MACF1: variants seen among roughly 807,000 people sequenced by gnomAD.
The protein encoded by MACF1 is microtubule-actin cross-linking factor 1.
Under a neutral mutation model 854.8 loss-of-function variants are expected in MACF1, and 193 were observed. The ratio of observed to expected loss-of-function variants is 0.23; its 90% CI spans 0.20 to 0.25. MACF1 has a LOEUF of 0.25. MACF1 is among the 10% of genes least tolerant of loss of function. MACF1 has a pLI of 1.00. For synonymous variants in MACF1, 3,185 were observed against 3,226.7 expected, an observed-to-expected ratio of 0.99 and a Z score of 0.44; for missense variants, 7,722 against 8,929.1, an observed-to-expected ratio of 0.86 and a Z score of 5.45.
At chr1:39,447,290 A>C in intron 80 of MACF1, 142 bp from the exon 81 acceptor site, 1 of 727,526 alleles carries the variant, frequency 1.4e-6, no homozygotes. Flanking sequence ...CAAATAAAGC[A>C]TGTTTGGACG....
intron 58 of MACF1, among the ~76,000 whole-genome samples, chr1:39,420,494 A>G (rs1643492617): frequency 6.6e-6 from 1 of 152,230 alleles, no homozygotes; most frequent in African/African-American, 2.4e-5. Context: ...CTGCTTTGTA[A>G]TGTTGCCTAA....
chr1:39,393,846 G>GGAGAGAGAGA (rs10652572), intron 58 of MACF1, among the ~76,000 whole-genome samples: 15 of 140,820 alleles, frequency 1.1e-4, no homozygotes, highest in African/African-American at 4.0e-4. Flanking sequence ...AGGGAGGGAG[G>GGAGAGAGAGA]GAGAGAGAGA....
intron 58 of MACF1, among the ~76,000 whole-genome samples, chr1:39,401,685 T>C (rs1240651205): frequency 6.6e-6 from 1 of 152,246 alleles, no homozygotes; most frequent in Admixed American, 6.5e-5. Context: ...GCCTTAGATT[T>C]TCTCCATCTT....
Position 39,335,329 on chromosome 1 carries a change from T to C in MACF1, c.8741T>C (p.Val2914Ala), listed in dbSNP as rs762762215. ...ACAAATGAAGAGCAGGAAAAAGCAG[T>C]GACAAAAATAGAAATTATTTCTCAT... is the stretch of plus-strand genomic sequence containing the variant. ...NDTNEEQEKA[V>A]TKIEIISHMK... Residue 2914 changes from valine to alanine, a missense_variant, in exon 37 of 101, where the codon GTG becomes GCG. Val to Ala is a moderately conservative substitution (Grantham distance 64). This residue lies in a region of MACF1 where 854 missense variants were observed against 852.6 expected (regional missense o/e 1.00). Transcript: ENST00000564288. The C allele has an allele frequency of 6.2e-7, 1 of 1,613,866 alleles. No homozygotes were observed. The highest frequency in any genetic ancestry group is 8.5e-7 in the Non-Finnish European group (1 of 1,179,916).
rs752263534 is a variant in MACF1, at chr1:39,319,729, G to T, written c.4011G>T (p.Gln1337His). The change falls in exon 31 of 101, where the codon CAG (glutamine) becomes CAT (histidine). Residue 1337 changes from glutamine to histidine, a missense_variant. By Grantham distance (24) the Gln-to-His change is conservative (BLOSUM62 0). This residue lies in a region of MACF1 where 1,137 missense variants were observed against 1,263.0 expected (regional missense o/e 0.90). Coordinates refer to ENST00000564288, the MANE Select transcript of MACF1 (RefSeq NM_001394062.1). The part of the protein sequence containing the change: ...KLDQCQKFSQ[Q>H]YSTIVKDYEL... ...ATCAATGTCAAAAATTTTCCCAGCA[G>T]TACTCTACTATTGTAAAGGTAACTT... 4 of 1,613,048 alleles carry T rather than the reference G, an allele frequency of 2.5e-6. No individual in the cohort carries two copies. Among genetic ancestry groups the T allele is most frequent in the Non-Finnish European group, 1.7e-6 (2 of 1,179,326 alleles).
chr1:39,203,685 G>T (rs958037075), upstream of MACF1, among the ~76,000 whole-genome samples: 1 of 152,022 alleles, frequency 6.6e-6, no homozygotes, highest in African/African-American at 2.4e-5. Context: ...TATATAAATG[G>T]AATCATATGG....
chr1:39,109,987 C>T (rs879824203), intron 2 of MACF1, among the ~76,000 whole-genome samples: 14 of 151,224 alleles, frequency 9.3e-5, no homozygotes, highest in South Asian at 4.2e-4. Flanking sequence ...AGAAGTTTTA[C>T]GATATATAAA....
intron 58 of MACF1, among the ~76,000 whole-genome samples, chr1:39,394,278 T>G (rs75872009): frequency 0.039 from 4,804 of 123,504 alleles, 105 homozygotes; most frequent in African/African-American, 0.098. Context: ...TTGATTGATT[T>G]ATTGCCACAT....
intron 1 of MACF1, among the ~76,000 whole-genome samples, chr1:39,225,575 T>A (rs1441903643): frequency 1.3e-5 from 2 of 152,146 alleles, no homozygotes; most frequent in Non-Finnish European, 2.9e-5. Context: ...ATTAATAAGG[T>A]TTAAAGTGTT....
chr1:39,253,940 G>C (rs1183320768), intron 4 of MACF1, among the ~76,000 whole-genome samples: 4 of 152,184 alleles, frequency 2.6e-5, no homozygotes, highest in African/African-American at 7.2e-5. Context: ...TGTGATTTTA[G>C]GAGTCATAGA....
chr1:39,293,686 T>A (rs1425966202), intron 18 of MACF1, 67 bp downstream of exon 18: 2 of 1,505,756 alleles, frequency 1.3e-6, no homozygotes, highest in Non-Finnish European at 1.8e-6. Flanking sequence ...CAGGGCCTAG[T>A]CTGCTGAAAG....
intron 19 of MACF1, among the ~76,000 whole-genome samples, chr1:39,295,363 A>G (rs989846301): frequency 2.0e-5 from 3 of 152,232 alleles, no homozygotes; most frequent in Non-Finnish European, 4.4e-5. Flanking sequence ...AAGAGAAACA[A>G]TAGAAGGGGC....
chr1:39,411,250 A>T, intron 58 of MACF1: 1 of 1,613,960 alleles, frequency 6.2e-7, no homozygotes, highest in Non-Finnish European at 8.5e-7. Context: ...GCGATGGATT[A>T]TGATGGAGGC....
intron 70 of MACF1, 47 bp from the exon 71 acceptor site, chr1:39,437,730 A>C: frequency 7.5e-7 from 1 of 1,337,878 alleles, no homozygotes; most frequent in Non-Finnish European, 1.1e-6. Context: ...TTCTCCAAGA[A>C]GAGTGATGAG....
chr1:39,097,222 A>T (rs1641960493), intron 2 of MACF1, among the ~76,000 whole-genome samples: 1 of 152,052 alleles, frequency 6.6e-6, no homozygotes, highest in Non-Finnish European at 1.5e-5. Flanking sequence ...CTCCAGGGGC[A>T]GTGTGTCCCT....
intron 33 of MACF1, 54 bp downstream of exon 33, chr1:39,323,062 C>A: frequency 6.5e-7 from 1 of 1,535,284 alleles, no homozygotes; most frequent in South Asian, 1.1e-5. Flanking sequence ...ACATCTTAGC[C>A]AGCACGGTGG....
intron 95 of MACF1, 51 bp from the exon 96 acceptor site, chr1:39,468,562 CAT>C: frequency 7.0e-7 from 1 of 1,426,654 alleles, no homozygotes; most frequent in Non-Finnish European, 9.9e-7. Flanking sequence ...GGGAGAAAAA[CAT>C]AGATCTGCTT....
intron 63 of MACF1, among the ~76,000 whole-genome samples, chr1:39,428,559 A>C (rs1437766155): frequency 1.3e-5 from 2 of 152,178 alleles, no homozygotes; most frequent in Non-Finnish European, 2.9e-5. Flanking sequence ...CATGATTTAC[A>C]TTATTAGGTG....
intron 68 of MACF1, among the ~76,000 whole-genome samples, 186 bp downstream of exon 68, chr1:39,433,341 A>G (rs1212287255): frequency 6.6e-6 from 1 of 152,260 alleles, no homozygotes; most frequent in Non-Finnish European, 1.5e-5. Flanking sequence ...TGTTTAAAAC[A>G]GCCATCCTAT....
Sources: allele counts gnomAD v4.1 joint callset (sites outside exome capture counted in the v4.1 genomes callset), GRCh38; gene constraint gnomAD v4.1.1; regional missense constraint gnomAD v4.1.1; transcripts MANE v1.5; gene names NCBI Gene and HGNC (gene_info 2026-07-23, HGNC 2026-07-21).